Variants in PTPRT observed in about 807,000 individuals in gnomAD.
PTPRT encodes the protein protein tyrosine phosphatase receptor type T.
PTPRT carries 56 observed loss-of-function variants against 176.8 expected under a neutral mutation model. The observed-to-expected ratio is 0.32, with a 90% CI of 0.26 to 0.40. The LOEUF (loss-of-function observed/expected upper bound fraction) is 0.40. Among genes scored for constraint, PTPRT ranks in the 10% least tolerant of loss-of-function variants. PTPRT has a pLI of 1.00. For synonymous variants in PTPRT, 783 were observed against 739.0 expected (o/e 1.06, Z -0.96); for missense variants, 1,540 against 1,908.2 (o/e 0.81, Z 3.60).
At chr20:42,131,355 C>T (rs1440784813) in intron 18 of PTPRT, among the ~76,000 whole-genome samples, 5 of 152,218 alleles carry the variant, frequency 3.3e-5, no homozygotes, top group African/African-American at 9.6e-5. Flanking sequence ...TGTGTTTTCA[C>T]TCAGTGGTCT....
At chr20:42,866,452 C>T (rs1463205321) in intron 2 of PTPRT, among the ~76,000 whole-genome samples, 1 of 152,096 alleles carries the variant, frequency 6.6e-6, no homozygotes, top group African/African-American at 2.4e-5. Context: ...ACCCCCTTTT[C>T]CTCCTCCCCA....
intron 1 of PTPRT, among the ~76,000 whole-genome samples, chr20:43,118,190 T>C (rs540450995): frequency 6.6e-6 from 1 of 152,144 alleles, no homozygotes; most frequent in Non-Finnish European, 1.5e-5. Flanking sequence ...TGCTCCAATA[T>C]AACTTTAGTC....
chr20:42,706,334 TAATCTCTG>T (rs1345502121), intron 6 of PTPRT, among the ~76,000 whole-genome samples: 1 of 152,094 alleles, frequency 6.6e-6, no homozygotes, highest in Non-Finnish European at 1.5e-5. Flanking sequence ...TGTTTGTTGT[TAATCTCTG>T]AATTGGCTCA....
intron 3 of PTPRT, among the ~76,000 whole-genome samples, chr20:42,783,063 A>G (rs1481102598): frequency 6.6e-6 from 1 of 152,234 alleles, no homozygotes; most frequent in Non-Finnish European, 1.5e-5. Context: ...TCAGTTGCAA[A>G]AAAATCATAT....
chr20:43,000,608 G>A (rs1984508122), intron 1 of PTPRT, among the ~76,000 whole-genome samples: 1 of 152,124 alleles, frequency 6.6e-6, no homozygotes. Context: ...TAACATAATG[G>A]AGCAAGTCAA....
intron 2 of PTPRT, among the ~76,000 whole-genome samples, chr20:42,882,804 C>T (rs1197723814): frequency 6.6e-6 from 1 of 152,176 alleles, no homozygotes; most frequent in Non-Finnish European, 1.5e-5. Context: ...TGCTGTGATG[C>T]GTGCTACTAA....
intron 5 of PTPRT, among the ~76,000 whole-genome samples, chr20:42,757,122 G>A (rs1289844017): frequency 6.7e-6 from 1 of 150,336 alleles, no homozygotes; most frequent in East Asian, 2.0e-4. Flanking sequence ...GCTGATTCAA[G>A]AATAAACTTT....
At chr20:42,540,756 C>A (rs1568962423) in intron 7 of PTPRT, among the ~76,000 whole-genome samples, 1 of 152,228 alleles carries the variant, frequency 6.6e-6, no homozygotes. Context: ...GGAAAATAAT[C>A]ATAATTTACT....
At chr20:42,377,680 C>T (rs763075804) in intron 9 of PTPRT, among the ~76,000 whole-genome samples, 7 of 152,190 alleles carry the variant, frequency 4.6e-5, no homozygotes, top group Admixed American at 3.3e-4. Flanking sequence ...ACGACCTCAA[C>T]CTAAAATCCT....
At chr20:42,319,503 C>T (rs570233307) in intron 11 of PTPRT, among the ~76,000 whole-genome samples, 1 of 152,262 alleles carries the variant, frequency 6.6e-6, no homozygotes, top group African/African-American at 2.4e-5. Flanking sequence ...CTCCTTCAGG[C>T]CCATGCATTC....
At chr20:42,272,717 G>A (rs926135315) in intron 13 of PTPRT, among the ~76,000 whole-genome samples, 76 of 99,304 alleles carry the variant, frequency 7.7e-4, no homozygotes, top group Non-Finnish European at 1.2e-3. Context: ...ACACACACGT[G>A]CGCGCACACA....
chr20:42,314,672 A>G (rs1043090216), intron 12 of PTPRT, among the ~76,000 whole-genome samples: 1 of 152,210 alleles, frequency 6.6e-6, no homozygotes, highest in African/African-American at 2.4e-5. Context: ...GCACATTTAT[A>G]TAGAGAAGAA....
At chr20:42,951,370 G>A (rs1262031381) in intron 1 of PTPRT, among the ~76,000 whole-genome samples, 3 of 151,740 alleles carry the variant, frequency 2.0e-5, no homozygotes, top group Admixed American at 6.6e-5. Context: ...GGACAGACAG[G>A]AGAGGGATAG....
chr20:42,859,013 G>A (rs1363154554), intron 2 of PTPRT, among the ~76,000 whole-genome samples: 1 of 152,194 alleles, frequency 6.6e-6, no homozygotes, highest in African/African-American at 2.4e-5. Flanking sequence ...CCCTGACAAA[G>A]GTTTAGGGCT....
chr20:42,532,916 G>C (rs980064666), intron 7 of PTPRT, among the ~76,000 whole-genome samples: 23 of 152,084 alleles, frequency 1.5e-4, no homozygotes, highest in Non-Finnish European at 3.1e-4. Context: ...GCCCCACTGA[G>C]CCCCAGAGCT....
At chr20:42,253,651 A>T (rs2056586383) in intron 13 of PTPRT, among the ~76,000 whole-genome samples, 1 of 152,184 alleles carries the variant, frequency 6.6e-6, no homozygotes, top group South Asian at 2.1e-4. Context: ...GCACCAGATG[A>T]TAAATTTCTC....
At chr20:42,056,746 A>G in the PTPRT span, among the ~76,000 whole-genome samples, 1 of 152,344 alleles carries the variant, frequency 6.6e-6, no homozygotes, top group Admixed American at 6.5e-5. Flanking sequence ...TTATCATCCA[A>G]ATTGGTACAT....
At chr20:42,184,504 C>T (rs1265509745) in intron 16 of PTPRT, among the ~76,000 whole-genome samples, 4 of 135,932 alleles carry the variant, frequency 2.9e-5, no homozygotes, top group Non-Finnish European at 4.8e-5. Context: ...TCCCCCCTTC[C>T]TCCTCCTCCT....
At chr20:42,184,807 T>TC (rs71193649) in intron 16 of PTPRT, among the ~76,000 whole-genome samples, 1 of 148,800 alleles carries the variant, frequency 6.7e-6, no homozygotes, top group African/African-American at 2.5e-5. Flanking sequence ...TTTTTTTTTT[T>TC]GTATTTTTAC....
Sources: gnomAD v4.1 joint callset for allele counts (sites outside exome capture counted in the v4.1 genomes callset) on GRCh38, gnomAD v4.1.1 for gene constraint, MANE v1.5 for transcripts, NCBI Gene and HGNC (gene_info 2026-07-23, HGNC 2026-07-21) for gene names.